GNAL: variants seen among roughly 807,000 people sequenced by gnomAD.
GNAL encodes guanine nucleotide-binding protein G(olf) subunit alpha.
A neutral mutation model predicts 55.1 loss-of-function variants in GNAL; 18 were observed. The observed-to-expected ratio is 0.33, with a 90% CI of 0.23 to 0.48. The LOEUF (loss-of-function observed/expected upper bound fraction) is 0.48. GNAL is among the 20% of genes least tolerant of loss of function. The pLI is 0.99. For missense variants in GNAL, 412 were observed against 614.1 expected (o/e 0.67, Z 3.48); for synonymous variants, 253 against 237.0 (o/e 1.07, Z -0.62).
chr18:11,716,585 C>G (rs541227442), intron 1 of GNAL, among the ~76,000 whole-genome samples: 1 of 152,306 alleles, frequency 6.6e-6, no homozygotes, highest in South Asian at 2.1e-4. Context: ...TCTGTTTTGA[C>G]TGGGTGCTGA....
At chr18:11,725,906 G>T (rs934022312) in intron 1 of GNAL, among the ~76,000 whole-genome samples, 3 of 152,232 alleles carry the variant, frequency 2.0e-5, no homozygotes, top group Non-Finnish European at 4.4e-5. Context: ...ATGAATGAGA[G>T]TTCCTGTTCC....
At chr18:11,879,499 T>C (rs556054906) in intron 11 of GNAL, among the ~76,000 whole-genome samples, 38 of 152,082 alleles carry the variant, frequency 2.5e-4, no homozygotes, top group African/African-American at 8.2e-4. Context: ...AGGTGCGGGG[T>C]CTTCCCTCGC....
Position 11,885,151 on chromosome 18 carries a change from AG to A in GNAL, c.*4019del. ...CATTTACTTTGAATTTGAAAATGTT[AG>A]GGTTTCCTCCACCTTTTTATGAAGT... On this transcript the variant is annotated 3_prime_UTR_variant, in exon 12 of 12. Transcript: ENST00000334049. 1.1e-6 allele frequency: 1 copy of A among 876,498 alleles called. No homozygotes were observed. 54.3% of individuals were successfully genotyped at this position (876,498 alleles called of 1,614,324 possible).
At chr18:11,861,159 G>A (rs11875744) in intron 5 of GNAL, among the ~76,000 whole-genome samples, 6 of 152,000 alleles carry the variant, frequency 3.9e-5, no homozygotes, top group African/African-American at 1.2e-4. Context: ...GGGAGCCAGC[G>A]CAGCCTCCAG....
At chr18:11,790,358 A>C (rs1412325064) in intron 4 of GNAL, among the ~76,000 whole-genome samples, 3 of 152,014 alleles carry the variant, frequency 2.0e-5, no homozygotes, top group Admixed American at 1.3e-4. Context: ...GGCGTTTGTC[A>C]GCTCCTCACG....
At chr18:11,765,215 T>C (rs1384584289) in intron 4 of GNAL, among the ~76,000 whole-genome samples, 1 of 152,216 alleles carries the variant, frequency 6.6e-6, no homozygotes, top group Non-Finnish European at 1.5e-5. Context: ...CTAAAGTGTT[T>C]TTTCTTACAG....
intron 1 of GNAL, among the ~76,000 whole-genome samples, chr18:11,701,596 T>C (rs1274388358): frequency 1.3e-5 from 2 of 150,742 alleles, no homozygotes; most frequent in African/African-American, 4.9e-5. Context: ...AATGCTGTTA[T>C]TGATCCTGGG....
At chr18:11,795,580 G>T (rs2034357871) in intron 4 of GNAL, among the ~76,000 whole-genome samples, 1 of 152,172 alleles carries the variant, frequency 6.6e-6, no homozygotes. Flanking sequence ...CAGATGTAGT[G>T]AAAGGCTTTG....
intron 10 of GNAL, among the ~76,000 whole-genome samples, chr18:11,872,643 T>A (rs1350730208): frequency 6.6e-6 from 1 of 152,156 alleles, no homozygotes; most frequent in Non-Finnish European, 1.5e-5. Context: ...AAAGAGCCAT[T>A]TTGGGATGTG....
intron 1 of GNAL, among the ~76,000 whole-genome samples, chr18:11,694,339 T>C (rs1420471992): frequency 6.6e-6 from 1 of 152,212 alleles, no homozygotes; most frequent in African/African-American, 2.4e-5. Context: ...CTTGGTGCTC[T>C]TTCTCCCCCA....
At chr18:11,865,171 G>A (rs1199913673) in intron 7 of GNAL, among the ~76,000 whole-genome samples, 1 of 150,310 alleles carries the variant, frequency 6.7e-6, no homozygotes, top group Non-Finnish European at 1.5e-5. Flanking sequence ...GCCCTTCTCA[G>A]TGCCACGAAA....
At chr18:11,788,912 AAAATATATATAT>A (rs1270360335) in intron 4 of GNAL, among the ~76,000 whole-genome samples, 9 of 68,754 alleles carry the variant, frequency 1.3e-4, no homozygotes, top group Non-Finnish European at 1.3e-4. Context: ...AAAAAAAAAA[AAAATATATATAT>A]ATATATATAT....
rs2032905872 is a variant in GNAL, at chr18:11,752,935, T to C, written c.449+10T>C. On this transcript the variant is annotated intron_variant, in intron 2 of 11. Transcript: ENST00000334049. This position sits in a 1 kb window ranked among gnomAD's most constrained non-coding sequence, Gnocchi z 4.5. The stretch of plus-strand genomic sequence containing the variant: ...ATGGGTTTAATCCCGAGTAAGAATG[T>C]TCAGTTTGCTTCCAAACTGCATGCA... 2.6e-6 allele frequency: 4 copies of C among 1,539,964 alleles called. No individual in the cohort carries two copies. The East Asian group carries it at 9.0e-5, about 35-fold the overall frequency.
intron 5 of GNAL, among the ~76,000 whole-genome samples, chr18:11,861,905 T>C (rs2036150423): frequency 6.6e-6 from 1 of 151,706 alleles, no homozygotes; most frequent in African/African-American, 2.4e-5. Flanking sequence ...CATTTACTCT[T>C]GCACACCACA....
intron 5 of GNAL, among the ~76,000 whole-genome samples, chr18:11,843,916 T>C (rs1352010270): frequency 6.6e-6 from 1 of 151,808 alleles, no homozygotes; most frequent in African/African-American, 2.4e-5. Context: ...GAGGTTTCAG[T>C]GAGCCGAGAT....
At chr18:11,871,812 A>G (rs1567903868) in intron 9 of GNAL, among the ~76,000 whole-genome samples, 1 of 152,354 alleles carries the variant, frequency 6.6e-6, no homozygotes, top group African/African-American at 2.4e-5. Context: ...CAATAAATCT[A>G]TATCCCCCAT....
At chr18:11,875,127 G>A (rs1016150838) in intron 10 of GNAL, among the ~76,000 whole-genome samples, 2 of 152,208 alleles carry the variant, frequency 1.3e-5, no homozygotes, top group African/African-American at 4.8e-5. Context: ...CCTGAGTGGG[G>A]AGCAGGAACA....
intron 5 of GNAL, chr18:11,851,366 C>A: frequency 9.2e-7 from 1 of 1,089,570 alleles, no homozygotes; most frequent in Non-Finnish European, 1.3e-6. Flanking sequence ...GCGCTGGGCT[C>A]TGACGTCACC....
In GNAL at chr18:11,884,436, GC is replaced by G; in HGVS notation, c.*3303del. The G allele has an allele frequency of 6.2e-7, 1 of 1,611,820 alleles. No homozygotes were observed. The highest frequency in any genetic ancestry group is 1.1e-5 in the South Asian group (1 of 91,006). On this transcript the variant is annotated 3_prime_UTR_variant, in exon 12 of 12. Coordinates refer to ENST00000334049, the MANE Select transcript of GNAL (RefSeq NM_182978.4). ...CTTGGGCTTTGATATTTATAATGGC[GC>G]CTGCTCTTCATCTTGTCTTACGCTT... is the stretch of plus-strand genomic sequence containing the variant.
Sources: allele counts gnomAD v4.1 joint callset (sites outside exome capture counted in the v4.1 genomes callset), GRCh38; gene constraint gnomAD v4.1.1; non-coding constraint Gnocchi (gnomAD v3.1); transcripts MANE v1.5; gene names NCBI Gene and HGNC (gene_info 2026-07-23, HGNC 2026-07-21).